The following TOGARAM1 variants were observed in gnomAD, a reference collection of about 807,000 sequenced individuals.
The protein encoded by TOGARAM1 is TOG array regulator of axonemal microtubules protein 1.
In TOGARAM1, 100 loss-of-function variants were observed where a neutral mutation model predicts 166.6. That is an observed-to-expected ratio of 0.60 (90% confidence interval 0.51 to 0.71). The LOEUF (loss-of-function observed/expected upper bound fraction) is 0.71. Among genes scored for constraint, TOGARAM1 ranks in the 30% least tolerant of loss-of-function variants. The pLI, the probability that TOGARAM1 is intolerant of heterozygous loss-of-function variation, is 0.00. For synonymous variants in TOGARAM1, 758 were observed against 763.8 expected (o/e 0.99, Z 0.13); for missense variants, 2,029 against 2,102.7 (o/e 0.96, Z 0.69).
At chr14:45,030,084 T>C (rs1881072063) in intron 10 of TOGARAM1, among the ~76,000 whole-genome samples, 1 of 152,160 alleles carries the variant, frequency 6.6e-6, no homozygotes, top group South Asian at 2.1e-4. Context: ...CCTCCCAGAA[T>C]GCTGGGATTA....
chr14:45,006,344 A>C (rs971839319), intron 5 of TOGARAM1, 77 bp downstream of exon 5: 1 of 1,083,882 alleles, frequency 9.2e-7, no homozygotes, highest in Non-Finnish European at 1.3e-6. Context: ...AGGAAAAATC[A>C]AGTTCTTTTT....
intron 13 of TOGARAM1, 51 bp from the exon 14 acceptor site, chr14:45,046,494 G>A: frequency 8.0e-7 from 1 of 1,246,238 alleles, no homozygotes. Flanking sequence ...TAGATCTTTG[G>A]AGAATAGTTT....
intron 6 of TOGARAM1, 98 bp downstream of exon 6, chr14:45,009,243 T>C: frequency 2.2e-6 from 2 of 897,712 alleles, no homozygotes; most frequent in Non-Finnish European, 3.3e-6. Context: ...CATTTATGTT[T>C]TAGTTTTTAA....
chr14:45,052,314 T>C (rs1882411973), intron 14 of TOGARAM1, 122 bp from the exon 15 acceptor site: 2 of 727,484 alleles, frequency 2.7e-6, no homozygotes, highest in African/African-American at 3.5e-5. Context: ...TTATTTAATA[T>C]AGGGATGGTA....
intron 1 of TOGARAM1, among the ~76,000 whole-genome samples, chr14:44,995,095 A>T (rs1278336090): frequency 2.6e-5 from 4 of 152,240 alleles, no homozygotes; most frequent in African/African-American, 9.6e-5. Flanking sequence ...TTAGTTCTTT[A>T]ACTGATTATG....
chr14:44,962,469 C>T lies in TOGARAM1; in HGVS notation c.48C>T (p.Val16=), dbSNP rs553033506. 6.2e-7 allele frequency: 1 copy of T among 1,604,222 alleles called. No individual in the cohort carries two copies. Among genetic ancestry groups the T allele is most frequent in the African/African-American group, 1.3e-5 (1 of 74,978 alleles). ...TGCTTCTGCTGCCGCCCTTTCCAGT[C>T]CTCTCTACCTATCGGCTCCAGAGCC... ...SALLLLPPFP[V]LSTYRLQSRS... The change falls in exon 1 of 20, where the codon GTC becomes GTT. Residue 16 remains valine (V), a synonymous_variant. Coordinates refer to ENST00000361462, the MANE Select transcript of TOGARAM1 (RefSeq NM_001308120.2).
chr14:44,970,842 T>C (rs1046005204), intron 1 of TOGARAM1, among the ~76,000 whole-genome samples: 19 of 152,184 alleles, frequency 1.2e-4, no homozygotes, highest in African/African-American at 4.3e-4. Flanking sequence ...TTATATTAAT[T>C]GATTTTCAAA....
intron 10 of TOGARAM1, among the ~76,000 whole-genome samples, chr14:45,029,189 TA>T (rs1284023561): frequency 1.3e-5 from 2 of 152,146 alleles, no homozygotes; most frequent in African/African-American, 2.4e-5. Context: ...TAAAACCCAT[TA>T]AATGTAGGTG....
intron 18 of TOGARAM1, among the ~76,000 whole-genome samples, chr14:45,070,217 C>T (rs1013737227): frequency 7.2e-5 from 11 of 152,060 alleles, no homozygotes; most frequent in Non-Finnish European, 1.0e-4. Context: ...GTCATGTCCA[C>T]GTGGAATTTA....
rs770029973 is a variant in TOGARAM1 at position 44,964,380 on chromosome 14, A to G, written c.1959A>G (p.Gly653=). ...GTACCCGAAGGGTATTAAGTGCAGG[A>G]AAAGGAAAAAATAAATTACCATGGG... is the stretch of plus-strand genomic sequence containing the variant. The part of the protein sequence containing the change: ...TICTRRVLSA[G]KGKNKLPWEN... Residue 653 remains glycine (G), a synonymous_variant, in exon 1 of 20, where the codon GGA becomes GGG. Coordinates refer to ENST00000361462, the MANE Select transcript of TOGARAM1 (RefSeq NM_001308120.2). 3.7e-6 allele frequency: 6 copies of G among 1,613,554 alleles called. No homozygotes were observed. Among genetic ancestry groups the G allele is most frequent in the Non-Finnish European group, 5.1e-6 (6 of 1,179,810 alleles).
At position 44,964,103 on chromosome 14, in the gene TOGARAM1, A is replaced by G; in HGVS notation, c.1682A>G (p.Asn561Ser). The change falls in exon 1 of 20, where the codon AAT becomes AGT. Residue 561 changes from asparagine (N) to serine (S), a missense_variant. Physicochemically the swap from Asn to Ser is conservative, Grantham distance 46. This residue lies in a region of TOGARAM1 where 1,453 missense variants were observed against 1,432.2 expected (regional missense o/e 1.01). Transcript: ENST00000361462. The part of the protein sequence containing the change: ...KAVDTVELQD[N>S]GDGVMNAVQA... ...GTGGATACAGTTGAACTGCAAGATAATGGAGATGGAGTGATGAATGCTGTG... is the reference window on the plus strand; with the variant it reads ...GTGGATACAGTTGAACTGCAAGATAGTGGAGATGGAGTGATGAATGCTGTG... The G allele has an allele frequency of 6.2e-7, 1 of 1,614,220 alleles. No individual in the cohort carries two copies. Among genetic ancestry groups the G allele is most frequent in the Non-Finnish European group, 8.5e-7 (1 of 1,180,036 alleles).
chr14:45,008,493 A>G (rs1194718182), intron 5 of TOGARAM1, among the ~76,000 whole-genome samples: 1 of 152,182 alleles, frequency 6.6e-6, no homozygotes, highest in African/African-American at 2.4e-5. Context: ...CAAATTTTTG[A>G]AAACTGATTT....
At chr14:44,970,342 A>T (rs1181949207) in intron 1 of TOGARAM1, among the ~76,000 whole-genome samples, 4 of 152,054 alleles carry the variant, frequency 2.6e-5, no homozygotes, top group African/African-American at 9.7e-5. Flanking sequence ...CCACTTGTTC[A>T]TTGCTGGTAT....
chr14:45,063,277 A>T (rs765547508), intron 16 of TOGARAM1, among the ~76,000 whole-genome samples: 4 of 152,118 alleles, frequency 2.6e-5, no homozygotes, highest in Non-Finnish European at 5.9e-5. Context: ...ATATGTTTTC[A>T]GTTCTCTTGG....
intron 16 of TOGARAM1, among the ~76,000 whole-genome samples, chr14:45,066,376 G>A (rs933126436): frequency 5.3e-5 from 8 of 152,040 alleles, no homozygotes; most frequent in Admixed American, 4.6e-4. Flanking sequence ...TAACTCTTAC[G>A]AGTCTTCCTA....
rs373161290 is a variant in TOGARAM1 at position 45,018,605 on chromosome 14, TA to T, written c.3238+6531del. Among the ~76,000 whole-genome samples, 72 of 152,336 alleles carry T rather than the reference TA, an allele frequency of 4.7e-4. No individual in the cohort carries two copies. The East Asian group carries it at 7.2e-3, about 15-fold the overall frequency. On this transcript the variant is annotated intron_variant, in intron 7 of 19. Coordinates refer to ENST00000361462, the MANE Select transcript of TOGARAM1 (RefSeq NM_001308120.2). ...ACAATCAGGCATTTTAGGACATGAA[TA>T]TTTTTTGTGGACATAACTCAAATTG... is the stretch of plus-strand genomic sequence containing the variant.
Position 45,004,061 on chromosome 14 carries a change from T to C in TOGARAM1, c.2339T>C (p.Val780Ala), listed in dbSNP as rs750431602. 2 of 1,612,714 alleles carry C rather than the reference T, an allele frequency of 1.2e-6. No homozygotes were observed. Among genetic ancestry groups the C allele is most frequent in the East Asian group, 2.2e-5 (1 of 44,842 alleles). Reference sequence around the variant, plus strand: ...TATATTATCTTTTGTTTTATTACAGTGTATGCTAGCCTCAATTTTGGCAGT... The same window carrying C: ...TATATTATCTTTTGTTTTATTACAGCGTATGCTAGCCTCAATTTTGGCAGT... ...LGTTSSHQEK[V>A]YASLNFGSKT... The change falls in exon 4 of 20, where the codon GTG becomes GCG. Residue 780 changes from valine (V) to alanine (A), a missense_variant and splice_region_variant. Physicochemically the swap from Val to Ala is moderately conservative, Grantham distance 64 (BLOSUM62 0). Around this residue, in one of 2 missense-constraint regions of TOGARAM1, gnomAD observed 1,453 missense variants for 1,432.2 expected, o/e 1.01. Coordinates refer to ENST00000361462, the MANE Select transcript of TOGARAM1 (RefSeq NM_001308120.2).
chr14:45,066,916 C>A, intron 17 of TOGARAM1, 149 bp downstream of exon 17: 1 of 484,508 alleles, frequency 2.1e-6, no homozygotes, highest in East Asian at 3.0e-5. Context: ...GACCCTGTCT[C>A]TACAAAAAAG....
intron 7 of TOGARAM1, among the ~76,000 whole-genome samples, chr14:45,022,319 C>T (rs1333509758): frequency 1.3e-5 from 2 of 150,474 alleles, no homozygotes; most frequent in East Asian, 3.9e-4. Context: ...CTAGTAGATA[C>T]TGAAATCCCT....
Sources: allele counts gnomAD v4.1 joint callset (sites outside exome capture counted in the v4.1 genomes callset), GRCh38; gene constraint gnomAD v4.1.1; regional missense constraint gnomAD v4.1.1; transcripts MANE v1.5; gene names NCBI Gene and HGNC (gene_info 2026-07-23, HGNC 2026-07-21).